Variants in PDZRN4 observed in about 807,000 individuals in gnomAD.
PDZRN4 encodes PDZ domain-containing RING finger protein 4.
Under a neutral mutation model 99.0 loss-of-function variants are expected in PDZRN4, and 70 were observed. The observed-to-expected ratio is 0.71, with a 90% CI of 0.58 to 0.86. The LOEUF (loss-of-function observed/expected upper bound fraction) is 0.86. PDZRN4 is among the 40% of genes least tolerant of loss of function. The probability of loss-of-function intolerance (pLI) is 0.00; values close to 1 mark genes in which losing one functional copy is unlikely to be tolerated. For missense variants in PDZRN4, 1,474 were observed against 1,331.2 expected, an observed-to-expected ratio of 1.11 and a Z score of -1.67; for synonymous variants, 551 against 501.6, an observed-to-expected ratio of 1.10 and a Z score of -1.32.
At chr12:41,242,121 C>T (rs752671731) in intron 3 of PDZRN4, among the ~76,000 whole-genome samples, 4 of 152,198 alleles carry the variant, frequency 2.6e-5, no homozygotes, top group Non-Finnish European at 4.4e-5. Context: ...TTATCCAACT[C>T]TTGAGCCAGG....
At chr12:41,469,886 C>T (rs1305218823) in intron 3 of PDZRN4, among the ~76,000 whole-genome samples, 3 of 151,906 alleles carry the variant, frequency 2.0e-5, no homozygotes, top group Non-Finnish European at 4.4e-5. Context: ...GCAGAGATCA[C>T]GCCACTGCAC....
chr12:41,267,723 C>T (rs997289047), intron 3 of PDZRN4, among the ~76,000 whole-genome samples: 1 of 150,976 alleles, frequency 6.6e-6, no homozygotes, highest in East Asian at 1.9e-4. Context: ...TGCCTGTAAT[C>T]TCAGCTATTT....
chr12:41,241,038 C>T (rs1012984101), intron 3 of PDZRN4, among the ~76,000 whole-genome samples: 3 of 152,102 alleles, frequency 2.0e-5, no homozygotes, highest in Non-Finnish European at 4.4e-5. Flanking sequence ...CCCTCCCAAC[C>T]CCCAGCTCTT....
At chr12:41,568,013 C>A in intron 9 of PDZRN4, 114 bp downstream of exon 9, 1 of 624,746 alleles carries the variant, frequency 1.6e-6, no homozygotes, top group African/African-American at 1.8e-5. Context: ...TCATCTCTAT[C>A]ATGGTAATTT....
intron 2 of PDZRN4, among the ~76,000 whole-genome samples, chr12:41,193,195 C>A (rs762469690): frequency 2.1e-4 from 32 of 152,262 alleles, no homozygotes; most frequent in Non-Finnish European, 4.4e-4. Context: ...TTTTCGTTAT[C>A]ATTTTCCCTA....
At chr12:41,437,882 A>G (rs1487670871) in intron 3 of PDZRN4, 19 of 1,613,492 alleles carry the variant, frequency 1.2e-5, no homozygotes, top group Non-Finnish European at 1.6e-5. Flanking sequence ...ATTCCCTTTC[A>G]GTTCACTTGC....
At chr12:41,561,419 C>T (rs938313211) in intron 7 of PDZRN4, among the ~76,000 whole-genome samples, 5 of 151,638 alleles carry the variant, frequency 3.3e-5, no homozygotes, top group Admixed American at 6.6e-5. Flanking sequence ...TGTATCGACT[C>T]ATGTAATCCT....
chr12:41,522,603 A>G (rs1451764163), intron 5 of PDZRN4, among the ~76,000 whole-genome samples: 1 of 152,096 alleles, frequency 6.6e-6, no homozygotes, highest in Non-Finnish European at 1.5e-5. Context: ...TCAATACTGG[A>G]CTGGCCGTTT....
rs369918672 is a variant in PDZRN4, at chr12:41,572,467, G to C, written c.1688G>C (p.Arg563Pro). Residue 563 changes from arginine to proline, a missense_variant, in exon 10 of 10, where the codon CGA becomes CCA. By Grantham distance (103) the Arg-to-Pro change is moderately radical (BLOSUM62 -2). Coordinates refer to ENST00000402685, the MANE Select transcript of PDZRN4 (RefSeq NM_001164595.2). ...GTAGGACGTACAGATGAAAGCTTGC[G>C]AAATGATGAGAGCTCAGAGCAGGAG... ...SGVGRTDESL[R>P]NDESSEQENA... The C allele has an allele frequency of 1.2e-6, 2 of 1,614,096 alleles. No individual in the cohort carries two copies. The highest frequency in any genetic ancestry group is 2.2e-5 in the South Asian group (2 of 91,080).
At chr12:41,475,221 TTAA>T (rs1313622141) in intron 3 of PDZRN4, among the ~76,000 whole-genome samples, 2 of 152,144 alleles carry the variant, frequency 1.3e-5, no homozygotes, top group Non-Finnish European at 2.9e-5. Flanking sequence ...ATCTAGATAG[TTAA>T]TAATAGCCAT....
Position 41,465,911 on chromosome 12 carries a change from G to A in PDZRN4, c.844-40545G>A, listed in dbSNP as rs185329591. On this transcript the variant is annotated intron_variant, in intron 3 of 9. Transcript: ENST00000402685. ...TCAGTGTTTTTTTTTAATAGCCTTG[G>A]TTTCAATGCCATTATCAGTTCATTA... is the stretch of plus-strand genomic sequence containing the variant. Among the ~76,000 whole-genome samples, 4 of 151,824 alleles carry A rather than the reference G, an allele frequency of 2.6e-5. No individual in the cohort carries two copies. The South Asian group carries it at 6.2e-4, about 24-fold the overall frequency.
chr12:41,409,371 A>G (rs1254408152), intron 3 of PDZRN4: 3 of 152,202 alleles, frequency 2.0e-5, no homozygotes, highest in Non-Finnish European at 4.4e-5. Flanking sequence ...CAAGGTATCT[A>G]TCCTCAAGTT....
intron 3 of PDZRN4, among the ~76,000 whole-genome samples, chr12:41,498,516 G>A (rs1433163981): frequency 1.3e-5 from 2 of 152,158 alleles, no homozygotes; most frequent in African/African-American, 2.4e-5. Context: ...ATGCCAGAGA[G>A]CAAAAGGTTT....
chr12:41,484,120 T>C (rs1937729493), intron 3 of PDZRN4, among the ~76,000 whole-genome samples: 2 of 152,292 alleles, frequency 1.3e-5, no homozygotes, highest in South Asian at 4.1e-4. Context: ...AAGAGAATAA[T>C]GATCTCTATC....
At chr12:41,413,486 T>C (rs1307971750) in intron 3 of PDZRN4, among the ~76,000 whole-genome samples, 1 of 152,122 alleles carries the variant, frequency 6.6e-6, no homozygotes, top group Non-Finnish European at 1.5e-5. Context: ...AATAATACTA[T>C]ACTATATAGT....
chr12:41,468,158 G>T (rs189384396), intron 3 of PDZRN4, among the ~76,000 whole-genome samples: 7 of 152,182 alleles, frequency 4.6e-5, no homozygotes, highest in African/African-American at 1.7e-4. Context: ...TACTGGCTGC[G>T]CATAGGGAAG....
intron 3 of PDZRN4, among the ~76,000 whole-genome samples, chr12:41,256,477 T>C (rs1244034010): frequency 3.3e-5 from 5 of 152,230 alleles, no homozygotes; most frequent in Non-Finnish European, 5.9e-5. Flanking sequence ...AAATGTGTTA[T>C]AGAAACCTGG....
At chr12:41,217,596 A>G (rs1467508058) in intron 3 of PDZRN4, among the ~76,000 whole-genome samples, 1 of 152,132 alleles carries the variant, frequency 6.6e-6, no homozygotes, top group Non-Finnish European at 1.5e-5. Flanking sequence ...TGAAACAGTC[A>G]ACAAAGACGT....
rs549767463 is a variant in PDZRN4, at chr12:41,335,303, T to C, written c.843+141115T>C. ...ATTATACTTTAAGTTCTAGGGTACA[T>C]GTGCACAATGTTCAAGTTTGTTACA... On this transcript the variant is annotated intron_variant, in intron 3 of 9. Transcript: ENST00000402685. Among the ~76,000 whole-genome samples the C allele has an allele frequency of 9.2e-4, 140 of 152,096 alleles. 1 individual carries two copies. The highest frequency in any genetic ancestry group is 1.6e-3 in the Non-Finnish European group (107 of 67,960).
Sources: gnomAD v4.1 joint callset for allele counts (sites outside exome capture counted in the v4.1 genomes callset) on GRCh38, gnomAD v4.1.1 for gene constraint, MANE v1.5 for transcripts, NCBI Gene and HGNC (gene_info 2026-07-23, HGNC 2026-07-21) for gene names.